CRYL1: variants seen among roughly 807,000 people sequenced by gnomAD.
CRYL1 encodes crystallin lambda 1.
Under a neutral mutation model 36.6 loss-of-function variants are expected in CRYL1, and 29 were observed. That is an observed-to-expected ratio of 0.79 (90% CI 0.59 to 1.08). The LOEUF is 1.08. CRYL1 is among the 50% of genes least tolerant of loss of function. The pLI is 0.00. For synonymous variants in CRYL1, 152 were observed against 151.5 expected (o/e 1.00, Z -0.02); for missense variants, 411 against 407.9 (o/e 1.01, Z -0.06).
At chr13:20,416,767 G>A (rs2031677896) in intron 5 of CRYL1, among the ~76,000 whole-genome samples, 1 of 152,168 alleles carries the variant, frequency 6.6e-6, no homozygotes, top group Non-Finnish European at 1.5e-5. Flanking sequence ...AGCCACTCAA[G>A]AGTAGGTCCT....
chr13:20,478,644 T>G (rs1173060936), intron 3 of CRYL1, among the ~76,000 whole-genome samples: 1 of 151,362 alleles, frequency 6.6e-6, no homozygotes, highest in Non-Finnish European at 1.5e-5. Context: ...CCATACTAAT[T>G]TTTTGTATTT....
At chr13:20,491,272 A>C (rs1449974615) in intron 2 of CRYL1, among the ~76,000 whole-genome samples, 1 of 140,540 alleles carries the variant, frequency 7.1e-6, no homozygotes, top group African/African-American at 2.6e-5. Context: ...AATTTGGAAG[A>C]TTCGTAATAT....
intron 3 of CRYL1, among the ~76,000 whole-genome samples, chr13:20,458,916 C>T (rs36112915): frequency 0.029 from 4,433 of 152,310 alleles, 96 homozygotes; most frequent in Non-Finnish European, 0.042. Flanking sequence ...TTTTAAAATA[C>T]AGACATTGGG....
chr13:20,426,856 A>G, intron 5 of CRYL1: 1 of 985,496 alleles, frequency 1.0e-6, no homozygotes, highest in Non-Finnish European at 1.2e-6. Context: ...ACCCTGACAA[A>G]TCAAGAGACC....
intron 4 of CRYL1, among the ~76,000 whole-genome samples, chr13:20,439,147 G>T (rs1275339091): frequency 6.6e-6 from 1 of 152,176 alleles, no homozygotes; most frequent in African/African-American, 2.4e-5. Flanking sequence ...ATTGTGTTGA[G>T]TAAACTACAC....
intron 3 of CRYL1, among the ~76,000 whole-genome samples, chr13:20,465,394 T>C (rs1040295526): frequency 6.6e-6 from 1 of 152,100 alleles, no homozygotes; most frequent in Non-Finnish European, 1.5e-5. Flanking sequence ...CTTTAAGCAA[T>C]GAACCGAAAC....
intron 2 of CRYL1, among the ~76,000 whole-genome samples, chr13:20,502,988 C>T (rs1246219751): frequency 2.7e-5 from 4 of 148,644 alleles, no homozygotes; most frequent in Non-Finnish European, 4.4e-5. Context: ...AGGATCATGC[C>T]GGAAGCACGC....
At position 20,490,676 on chromosome 13, in the gene CRYL1, T is replaced by C. The variant is rs180999866; in HGVS notation, c.150-1180A>G. ...GCAGGGGATGGGGTGGGGGGGCATGTTGGAAAACAGTGGTTCTTAATCCTC... is the reference window on the plus strand; with the variant it reads ...GCAGGGGATGGGGTGGGGGGGCATGCTGGAAAACAGTGGTTCTTAATCCTC... On this transcript the variant is annotated intron_variant, in intron 2 of 7. Transcript: ENST00000298248. Among the ~76,000 whole-genome samples, 421 of 152,030 alleles carry C rather than the reference T, an allele frequency of 2.8e-3. 1 individual carries two copies. The highest frequency in any genetic ancestry group is 9.7e-3 in the African/African-American group (403 of 41,466).
intron 3 of CRYL1, among the ~76,000 whole-genome samples, chr13:20,467,994 C>T (rs2137441387): frequency 6.6e-6 from 1 of 152,192 alleles, no homozygotes; most frequent in Admixed American, 6.5e-5. Context: ...AGGTTGTGCT[C>T]TCCTCATGAG....
intron 5 of CRYL1, among the ~76,000 whole-genome samples, chr13:20,414,899 T>C (rs1031816262): frequency 8.5e-5 from 13 of 152,204 alleles, no homozygotes; most frequent in Admixed American, 5.9e-4. Flanking sequence ...CCTTTTCCCC[T>C]ACGCCTTCAC....
At chr13:20,490,067 C>T (rs571780131) in intron 2 of CRYL1, among the ~76,000 whole-genome samples, 51 of 152,192 alleles carry the variant, frequency 3.4e-4, no homozygotes, top group Non-Finnish European at 6.9e-4. Flanking sequence ...TGTGTGATTC[C>T]ACCTAGAAGA....
intron 5 of CRYL1, among the ~76,000 whole-genome samples, chr13:20,423,952 A>C (rs2031876748): frequency 6.6e-6 from 1 of 151,382 alleles, no homozygotes; most frequent in Non-Finnish European, 1.5e-5. Flanking sequence ...TGTATTTTTA[A>C]TAGAGACGGG....
At chr13:20,506,154 C>G (rs2033793317) in intron 2 of CRYL1, among the ~76,000 whole-genome samples, 1 of 152,116 alleles carries the variant, frequency 6.6e-6, no homozygotes, top group African/African-American at 2.4e-5. Flanking sequence ...CTGGATTTTC[C>G]TGAAGTTATT....
chr13:20,462,420 C>T (rs1301799536), intron 3 of CRYL1, among the ~76,000 whole-genome samples: 1 of 150,542 alleles, frequency 6.6e-6, no homozygotes, highest in African/African-American at 2.5e-5. Context: ...CTCTGGAATC[C>T]AGCCAGGCCT....
At chr13:20,437,956 G>C (rs2032267992) in intron 4 of CRYL1, among the ~76,000 whole-genome samples, 1 of 152,120 alleles carries the variant, frequency 6.6e-6, no homozygotes, top group South Asian at 2.1e-4. Flanking sequence ...AGGTCTCCAG[G>C]AGCCCTGTCC....
At position 20,525,666 on chromosome 13, in the gene CRYL1, G is replaced by T; in HGVS notation, c.41+88C>A. 1.8e-6 allele frequency: 2 copies of T among 1,107,400 alleles called. No homozygotes were observed. Among genetic ancestry groups the T allele is most frequent in the Non-Finnish European group, 2.3e-6 (2 of 863,854 alleles). 68.6% of individuals were successfully genotyped at this position (1,107,400 alleles called of 1,614,324 possible). A position where few individuals can be genotyped will look rare whatever the true frequency, so the allele number is the denominator to read the frequency against. ...GCCGGGGCGGGGACAGCGACCCGGCGCCCACCCCGAGGGCCCCACGCGAGG... is the reference window on the plus strand; with the variant it reads ...GCCGGGGCGGGGACAGCGACCCGGCTCCCACCCCGAGGGCCCCACGCGAGG... On this transcript the variant is annotated intron_variant, in intron 1 of 7. Coordinates refer to ENST00000298248, the MANE Select transcript of CRYL1 (RefSeq NM_015974.3). The surrounding 1 kb of genome is among the most constrained non-coding windows in gnomAD (Gnocchi z 4.3).
chr13:20,440,657 C>T (rs190510581), intron 3 of CRYL1, among the ~76,000 whole-genome samples: 1 of 152,300 alleles, frequency 6.6e-6, no homozygotes, highest in East Asian at 1.9e-4. Context: ...ACCATCAGAT[C>T]AACAGATCTT....
intron 5 of CRYL1, among the ~76,000 whole-genome samples, chr13:20,416,118 G>A (rs2031656904): frequency 6.6e-6 from 1 of 151,752 alleles, no homozygotes; most frequent in African/African-American, 2.4e-5. Flanking sequence ...CCTCAGCCTC[G>A]CCACGCTTGG....
At chr13:20,439,855 AATG>A in intron 3 of CRYL1, 101 bp from the exon 4 acceptor site, 1 of 1,199,670 alleles carries the variant, frequency 8.3e-7, no homozygotes, top group South Asian at 1.4e-5. Context: ...CCACTTTGAA[AATG>A]ATGAGGTTCA....
Sources: allele counts gnomAD v4.1 joint callset (sites outside exome capture counted in the v4.1 genomes callset), GRCh38; gene constraint gnomAD v4.1.1; non-coding constraint Gnocchi (gnomAD v3.1); transcripts MANE v1.5; gene names NCBI Gene and HGNC (gene_info 2026-07-23, HGNC 2026-07-21).